CTCF: variants seen among roughly 807,000 people sequenced by gnomAD.
CTCF encodes transcriptional repressor CTCF.
A neutral mutation model predicts 72.3 loss-of-function variants in CTCF; 7 were observed. The observed-to-expected ratio is 0.10, with a 90% CI of 0.06 to 0.18. The LOEUF is 0.18. Among genes scored for constraint, CTCF ranks in the 10% least tolerant of loss-of-function variants. CTCF has a pLI of 1.00. For synonymous variants in CTCF, 374 were observed against 315.8 expected, an observed-to-expected ratio of 1.18 and a Z score of -1.95; for missense variants, 516 against 949.1, an observed-to-expected ratio of 0.54 and a Z score of 6.00.
At chr16:67,581,665 G>A (rs377312473) in intron 2 of CTCF, among the ~76,000 whole-genome samples, 68 of 151,946 alleles carry the variant, frequency 4.5e-4, no homozygotes, top group Middle Eastern at 6.8e-3. Flanking sequence ...CACCACACCC[G>A]GCTAATCATG....
chr16:67,597,578 C>T (rs1008354199), intron 2 of CTCF, among the ~76,000 whole-genome samples: 5 of 152,168 alleles, frequency 3.3e-5, no homozygotes, highest in African/African-American at 1.2e-4. Flanking sequence ...ACCTTATTAT[C>T]CACCCGCCTT....
At chr16:67,586,122 T>C (rs866362757) in intron 2 of CTCF, among the ~76,000 whole-genome samples, 2 of 152,306 alleles carry the variant, frequency 1.3e-5, no homozygotes, top group East Asian at 1.9e-4. Context: ...ATTTTGAGGC[T>C]GGGTGCAGTG....
At chr16:67,627,040 C>T in intron 8 of CTCF, 1 of 202,800 alleles carries the variant, frequency 4.9e-6, no homozygotes, top group Non-Finnish European at 9.9e-6. Context: ...AGGAGCTCAG[C>T]AGGAATAAGC....
intron 2 of CTCF, among the ~76,000 whole-genome samples, chr16:67,601,293 CCGTG>C (rs1282757760): frequency 5.3e-5 from 4 of 75,578 alleles, no homozygotes; most frequent in African/African-American, 1.5e-4. Flanking sequence ...CACTCTGTCA[CCGTG>C]TGTGTGTGTG....
intron 10 of CTCF, among the ~76,000 whole-genome samples, chr16:67,636,437 A>C (rs1161933245): frequency 1.3e-5 from 2 of 150,156 alleles, no homozygotes; most frequent in African/African-American, 4.9e-5. Context: ...AGTCCCGGCC[A>C]CTCAGGAGGC....
intron 2 of CTCF, among the ~76,000 whole-genome samples, chr16:67,609,841 G>A (rs561602506): frequency 2.0e-5 from 3 of 151,844 alleles, no homozygotes; most frequent in Non-Finnish European, 4.4e-5. Flanking sequence ...AGCCAGGATG[G>A]TCTCGATCTC....
At chr16:67,615,896 C>T (rs970431245) in intron 4 of CTCF, 1 of 152,150 alleles carries the variant, frequency 6.6e-6, no homozygotes, top group African/African-American at 2.4e-5. Flanking sequence ...TGTGGCTCTT[C>T]CTAATTGTAT....
chr16:67,607,700 T>TTA (rs2051995106), intron 2 of CTCF, among the ~76,000 whole-genome samples: 1 of 152,006 alleles, frequency 6.6e-6, no homozygotes, highest in Non-Finnish European at 1.5e-5. Flanking sequence ...TATTGAGTAC[T>TTA]TACCATCCTG....
intron 2 of CTCF, among the ~76,000 whole-genome samples, chr16:67,603,247 T>A (rs2142796683): frequency 6.6e-6 from 1 of 151,722 alleles, no homozygotes; most frequent in African/African-American, 2.4e-5. Context: ...AAGAAAACAT[T>A]AGGCCGGGCG....
At chr16:67,626,915 A>C (rs913920028) in intron 8 of CTCF, 200 bp downstream of exon 8, 1 of 392,602 alleles carries the variant, frequency 2.5e-6, no homozygotes, top group Non-Finnish European at 4.5e-6. Flanking sequence ...ATTCAGTCAC[A>C]GCTTACCTCT....
chr16:67,614,075 C>G (rs955714233), intron 4 of CTCF, among the ~76,000 whole-genome samples: 3 of 151,952 alleles, frequency 2.0e-5, no homozygotes, highest in African/African-American at 7.2e-5. Context: ...AGCCGGGCGC[C>G]GTAGCTCTCG....
At chr16:67,603,253 G>A (rs931109003) in intron 2 of CTCF, among the ~76,000 whole-genome samples, 5 of 151,970 alleles carry the variant, frequency 3.3e-5, no homozygotes, top group Admixed American at 6.6e-5. Context: ...ACATTAGGCC[G>A]GGCGCAGTGG....
chr16:67,631,680 ACCC>A (rs796178685), intron 10 of CTCF, among the ~76,000 whole-genome samples: 39 of 57,192 alleles, frequency 6.8e-4, no homozygotes, highest in African/African-American at 2.3e-3. Flanking sequence ...GGTCCCCCCC[ACCC>A]CCCCCCCCTT....
intron 2 of CTCF, among the ~76,000 whole-genome samples, chr16:67,580,072 G>T (rs1233904558): frequency 3.9e-5 from 6 of 152,172 alleles, no homozygotes; most frequent in Non-Finnish European, 7.3e-5. Context: ...GTGAAAAATG[G>T]TGGGTAATGG....
intron 2 of CTCF, among the ~76,000 whole-genome samples, chr16:67,585,126 ACCT>A (rs1389834056): frequency 2.6e-5 from 4 of 152,044 alleles, no homozygotes; most frequent in Non-Finnish European, 5.9e-5. Context: ...GCTCACTGCA[ACCT>A]CCTCCTGCCT....
chr16:67,604,827 G>A lies in CTCF; in HGVS notation c.-9-5997G>A, dbSNP rs186995228. ...ATAATGTGGCTTATGTTTGTGGCTT[G>A]CATTATATTTCTATTGAACAGTGCC... On this transcript the variant is annotated intron_variant, in intron 2 of 11. Coordinates refer to ENST00000264010, the MANE Select transcript of CTCF (RefSeq NM_006565.4). Among the ~76,000 whole-genome samples the A allele has an allele frequency of 5.1e-4, 73 of 143,638 alleles. 1 individual carries two copies. Among genetic ancestry groups the A allele is most frequent in the Admixed American group, 2.8e-3 (39 of 14,030 alleles). 94.2% of individuals were successfully genotyped at this position (143,638 alleles called of 152,430 possible). A position where few individuals can be genotyped will look rare whatever the true frequency, so the allele number is the denominator to read the frequency against.
chr16:67,629,746 CTTTTTTTTTTTTTTTTTTTTTTTTTTT>C lies in CTCF; in HGVS notation c.1837+233_1837+259del, dbSNP rs71145978. Among the ~76,000 whole-genome samples the C allele has an allele frequency of 4.5e-3, 282 of 63,344 alleles. 1 individual carries two copies. The highest frequency in any genetic ancestry group is 0.012 in the African/African-American group (190 of 15,926). The allele number at this position is 63,344 out of a possible 152,430, so 41.6% of individuals were successfully genotyped here. Reference sequence around the variant, plus strand: ...TCGTGGCATTCCGCTCATTAATGCCCTTTTTTTTTTTTTTTTTTTTTTTTTTTTTTTTTTTTTTTTTTTTTTGAGACG... The same window carrying C: ...TCGTGGCATTCCGCTCATTAATGCCCTTTTTTTTTTTTTTTTTTTGAGACG... On this transcript the variant is annotated intron_variant, in intron 10 of 11. Coordinates refer to ENST00000264010, the MANE Select transcript of CTCF (RefSeq NM_006565.4).
Position 67,612,066 on chromosome 16 carries a change from T to C in CTCF, c.897T>C (p.Cys299=), listed in dbSNP as rs777683962. ...TDERPHKCHL[C]GRAFRTVTLL... is the part of the protein sequence containing the mutation. Reference sequence around the variant, plus strand: ...AGAGACCACACAAGTGCCATCTCTGTGGCAGGGCATTCAGAACAGTCACCC... The same window carrying C: ...AGAGACCACACAAGTGCCATCTCTGCGGCAGGGCATTCAGAACAGTCACCC... Residue 299 remains cysteine, a synonymous_variant, in exon 4 of 12, where the codon TGT becomes TGC. Coordinates refer to ENST00000264010, the MANE Select transcript of CTCF (RefSeq NM_006565.4). 1.3e-5 allele frequency: 21 copies of C among 1,614,084 alleles called. No homozygotes were observed. In the Admixed American group the frequency reaches 3.5e-4, roughly 27 times the overall value.
chr16:67,584,337 C>CTTCTTTTTTTTTTTT lies in CTCF; in HGVS notation c.-10+13075_-10+13076insCTTTTTTTTTTTTTT, dbSNP rs1462998203. Among the ~76,000 whole-genome samples, 44 of 105,832 alleles carry CTTCTTTTTTTTTTTT rather than the reference C, an allele frequency of 4.2e-4. 2 individuals are homozygous for CTTCTTTTTTTTTTTT. The highest frequency in any genetic ancestry group is 1.5e-3 in the African/African-American group (35 of 23,516). 69.4% of individuals were successfully genotyped at this position (105,832 alleles called of 152,430 possible). On this transcript the variant is annotated intron_variant, in intron 2 of 11. Coordinates refer to ENST00000264010, the MANE Select transcript of CTCF (RefSeq NM_006565.4). Reference sequence around the variant, plus strand: ...CTCCTTCTCAAAAAAAAAAAGTCTTCTTTTTTTTTTTTTTTTTTTTTGAGA... The same window carrying CTTCTTTTTTTTTTTT: ...CTCCTTCTCAAAAAAAAAAAGTCTTCTTCTTTTTTTTTTTTTTTTTTTTTTTTTTTTTTTTTGAGA...
Sources: allele counts gnomAD v4.1 joint callset (sites outside exome capture counted in the v4.1 genomes callset), GRCh38; gene constraint gnomAD v4.1.1; transcripts MANE v1.5; gene names NCBI Gene and HGNC (gene_info 2026-07-23, HGNC 2026-07-21).